Variants in HDAC5 observed in about 807,000 individuals in gnomAD.
HDAC5 encodes antigen NY-CO-9.
In HDAC5, 25 loss-of-function variants were observed where a neutral mutation model predicts 133.3. That is an observed-to-expected ratio of 0.19 (90% CI 0.14 to 0.26). The LOEUF (loss-of-function observed/expected upper bound fraction) is 0.26. HDAC5 is among the 10% of genes least tolerant of loss of function. The pLI, the probability that HDAC5 is intolerant of heterozygous loss-of-function variation, is 1.00. For synonymous variants in HDAC5, 589 were observed against 610.8 expected, an observed-to-expected ratio of 0.96 and a Z score of 0.53; for missense variants, 1,041 against 1,460.5, an observed-to-expected ratio of 0.71 and a Z score of 4.68.
rs228757 is a variant in HDAC5 at position 44,087,517 on chromosome 17, G to C, written c.1779C>G (p.Asp593Glu). 0.75 allele frequency: 1,202,255 copies of C among 1,610,846 alleles called. 451,156 individuals are homozygous for C. Among genetic ancestry groups the C allele is most frequent in the South Asian group, 0.86 (78,444 of 91,022 alleles). Residue 593 changes from aspartate to glutamate, a missense_variant, in exon 13 of 27, where the codon GAC (aspartate) becomes GAG (glutamate). Physicochemically the swap from Asp to Glu is conservative, Grantham distance 45. Around this residue, in one of 9 missense-constraint regions of HDAC5, gnomAD observed 433 missense variants for 531.6 expected, o/e 0.81. Transcript: ENST00000682912. ...TGCAATCCTCCTCCTCCTCCCCATC[G>C]TCTTCCTCGTCCTCCTCCTCCAGGT... Reference protein sequence around the residue: ...QEDLEEEDEEDDGEEEEDCIQ... With the variant: ...QEDLEEEDEEEDGEEEEDCIQ...
Position 44,117,667 on chromosome 17 carries a change from C to T in HDAC5, c.-152G>A. The T allele has an allele frequency of 1.2e-6, 1 of 800,218 alleles. No homozygotes were observed. Among genetic ancestry groups the T allele is most frequent in the Non-Finnish European group, 2.1e-6 (1 of 476,692 alleles). 49.6% of individuals were successfully genotyped at this position (800,218 alleles called of 1,614,324 possible). ...CCTCTAATGCCCATCCGAGGCCATC[C>T]TTCGGGGCGAGGCAGTCAGGCACTC... On this transcript the variant is annotated 5_prime_UTR_variant, in exon 2 of 27. Coordinates refer to ENST00000682912, the MANE Select transcript of HDAC5 (RefSeq NM_005474.5). This position sits in a 1 kb window ranked among gnomAD's most constrained non-coding sequence, Gnocchi z 4.2.
rs1314342775 is a variant in HDAC5, at chr17:44,117,635, C to T, written c.-120G>A. The T allele has an allele frequency of 1.0e-5, 12 of 1,188,798 alleles. No individual in the cohort carries two copies. The South Asian group carries it at 1.2e-4, about 12-fold the overall frequency. 73.6% of individuals were successfully genotyped at this position (1,188,798 alleles called of 1,614,324 possible). A position where few individuals can be genotyped will look rare whatever the true frequency, so the allele number is the denominator to read the frequency against. On this transcript the variant is annotated 5_prime_UTR_variant, in exon 2 of 27. Coordinates refer to ENST00000682912, the MANE Select transcript of HDAC5 (RefSeq NM_005474.5). This position sits in a 1 kb window ranked among gnomAD's most constrained non-coding sequence, Gnocchi z 4.2. ...GACGGACGGGACGGGAGCCCGGGGC[C>T]GCCGTGCCTCTAATGCCCATCCGAG...
chr17:44,118,138 T>C (rs553720660), intron 1 of HDAC5, among the ~76,000 whole-genome samples: 13 of 152,318 alleles, frequency 8.5e-5, no homozygotes, highest in African/African-American at 2.9e-4. Context: ...CCAGCCTCCA[T>C]AGCCTAAGCT....
chr17:44,122,365 C>G (rs572670617), intron 1 of HDAC5, among the ~76,000 whole-genome samples: 3 of 152,200 alleles, frequency 2.0e-5, no homozygotes, highest in Admixed American at 1.3e-4. Context: ...CACCCTCCCC[C>G]CCACCTCCTT....
At chr17:44,092,142 C>G (rs751125837) in intron 9 of HDAC5, 30 bp downstream of exon 9, 7 of 1,589,270 alleles carry the variant, frequency 4.4e-6, no homozygotes, top group African/African-American at 4.0e-5. Context: ...ACTCTGTCCC[C>G]GCCCCACCAG....
At chr17:44,079,599 C>A (rs1258637308) in intron 23 of HDAC5, among the ~76,000 whole-genome samples, 3 of 123,234 alleles carry the variant, frequency 2.4e-5, no homozygotes, top group Non-Finnish European at 4.7e-5. Context: ...GAGATCACGC[C>A]ATTGCACTCC....
Position 44,078,219 on chromosome 17 carries a change from C to T in HDAC5, c.*157G>A. On this transcript the variant is annotated 3_prime_UTR_variant, in exon 27 of 27. Coordinates refer to ENST00000682912, the MANE Select transcript of HDAC5 (RefSeq NM_005474.5). ...CAGGCTTCTAGAGCTGAGGTGGAAGCCACAGGGCTGGGGGCCTGAGGCAGC... is the reference window on the plus strand; with the variant it reads ...CAGGCTTCTAGAGCTGAGGTGGAAGTCACAGGGCTGGGGGCCTGAGGCAGC... 1.4e-6 allele frequency: 1 copy of T among 689,900 alleles called. No homozygotes were observed. The highest frequency in any genetic ancestry group is 2.3e-6 in the Non-Finnish European group (1 of 442,826). The allele number at this position is 689,900 out of a possible 1,614,324, so 42.7% of individuals were successfully genotyped here.
chr17:44,091,240 C>A lies in HDAC5; in HGVS notation c.1387+30G>T, dbSNP rs1167362449. The A allele has an allele frequency of 2.6e-6, 4 of 1,554,992 alleles. No individual in the cohort carries two copies. The South Asian group carries it at 4.6e-5, about 18-fold the overall frequency. On this transcript the variant is annotated intron_variant, in intron 11 of 26. Coordinates refer to ENST00000682912, the MANE Select transcript of HDAC5 (RefSeq NM_005474.5). ...TGACAGTTGGTCCTGACCTTAGCCC[C>A]CTCCCTTGCACAGCTACCTGTCCAC...
Position 44,084,556 on chromosome 17 carries a change from G to C in HDAC5, c.2304C>G (p.Leu768=), listed in dbSNP as rs370405048. Residue 768 remains leucine, a splice_region_variant and synonymous_variant, in exon 16 of 27, where the codon CTC becomes CTG. Coordinates refer to ENST00000682912, the MANE Select transcript of HDAC5 (RefSeq NM_005474.5). ...NRQKLDSKKL[L]GPISQKMYAV... ...CCGCCCACCCATGTGCCAGCTCACC[G>C]AGCAACTTCTTGCTGTCTAGCTTCT... 2 of 1,613,272 alleles carry C rather than the reference G, an allele frequency of 1.2e-6. No homozygotes were observed. Among genetic ancestry groups the C allele is most frequent in the African/African-American group, 1.3e-5 (1 of 74,986 alleles).
Position 44,099,853 on chromosome 17 carries a change from C to T in HDAC5, c.95-6019G>A, listed in dbSNP as rs547809117. On this transcript the variant is annotated intron_variant, in intron 3 of 26. Transcript: ENST00000682912. ...CTCAGGAGCTGCCCTGCCCAGCTCACGAGCACAAGTGGCCATGGGCAGTGC... is the reference window on the plus strand; with the variant it reads ...CTCAGGAGCTGCCCTGCCCAGCTCATGAGCACAAGTGGCCATGGGCAGTGC... 1.3e-3 allele frequency among the ~76,000 whole-genome samples: 205 copies of T among 152,268 alleles called. 1 individual carries two copies. The highest frequency in any genetic ancestry group is 4.7e-3 in the African/African-American group (196 of 41,566).
intron 20 of HDAC5, 70 bp downstream of exon 20, chr17:44,082,515 G>A: frequency 8.1e-7 from 1 of 1,241,552 alleles, no homozygotes; most frequent in Non-Finnish European, 1.2e-6. Flanking sequence ...TGGGGGAGGA[G>A]ACTTCCTGAA....
At chr17:44,079,524 C>G (rs940074156) in intron 23 of HDAC5, among the ~76,000 whole-genome samples, 8 of 150,842 alleles carry the variant, frequency 5.3e-5, no homozygotes, top group African/African-American at 1.9e-4. Context: ...CCTGTAATCC[C>G]AGCTACTTGG....
Position 44,082,697 on chromosome 17 carries a change from A to T in HDAC5, c.2520-25T>A, listed in dbSNP as rs754129277. ...CCTGAGGAGGGGAGAAAAGGGCAGG[A>T]GGTCAGCCTCAGCATGACGTTTGCA... On this transcript the variant is annotated intron_variant, in intron 19 of 26. Transcript: ENST00000682912. 1.1e-5 allele frequency: 18 copies of T among 1,612,632 alleles called. No individual in the cohort carries two copies. In the Admixed American group the frequency reaches 1.2e-4, roughly 10 times the overall value.
At position 44,093,549 on chromosome 17, in the gene HDAC5, C is replaced by T. The variant is rs1051106851; in HGVS notation, c.354+26G>A. 7.5e-6 allele frequency: 12 copies of T among 1,597,172 alleles called. No individual in the cohort carries two copies. In the Admixed American group the frequency reaches 8.4e-5, roughly 11 times the overall value. On this transcript the variant is annotated intron_variant, in intron 4 of 26. Transcript: ENST00000682912. ...CCCGGGCGGGGATCGGAGGTCTGGGCGGCCCCCCGCACCCCCCTCGCTCAC... is the reference window on the plus strand; with the variant it reads ...CCCGGGCGGGGATCGGAGGTCTGGGTGGCCCCCCGCACCCCCCTCGCTCAC...
At chr17:44,079,379 C>T (rs1400227607) in intron 23 of HDAC5, 102 bp from the exon 24 acceptor site, 15 of 1,200,212 alleles carry the variant, frequency 1.2e-5, no homozygotes, top group East Asian at 2.5e-5. Context: ...CGGTGGCTCA[C>T]GCCTGTAATC....
chr17:44,121,777 T>C (rs1483914119), intron 1 of HDAC5, among the ~76,000 whole-genome samples: 2 of 152,034 alleles, frequency 1.3e-5, no homozygotes, highest in Non-Finnish European at 2.9e-5. Context: ...CCAAATTACA[T>C]GATCCAGCCA....
intron 2 of HDAC5, among the ~76,000 whole-genome samples, chr17:44,112,524 C>CA (rs2052406842): frequency 6.6e-6 from 1 of 152,142 alleles, no homozygotes; most frequent in South Asian, 2.1e-4. Flanking sequence ...CCTTGACCCC[C>CA]ACTCCAGGCA....
At chr17:44,079,300 G>A (rs1220999200) in intron 23 of HDAC5, 23 bp from the exon 24 acceptor site, 8 of 1,608,880 alleles carry the variant, frequency 5.0e-6, no homozygotes, top group Admixed American at 1.7e-5. Context: ...GTGAAGGGAG[G>A]AAGAAGAAAT....
chr17:44,087,824 G>A (rs1260767269), intron 12 of HDAC5, 128 bp from the exon 13 acceptor site: 4 of 1,202,186 alleles, frequency 3.3e-6, no homozygotes, highest in Middle Eastern at 2.9e-4. Flanking sequence ...ATTAGAAAAA[G>A]GTGAGGTAGC....
Sources: allele counts gnomAD v4.1 joint callset (sites outside exome capture counted in the v4.1 genomes callset), GRCh38; gene constraint gnomAD v4.1.1; regional missense constraint gnomAD v4.1.1; non-coding constraint Gnocchi (gnomAD v3.1); transcripts MANE v1.5; gene names NCBI Gene and HGNC (gene_info 2026-07-23, HGNC 2026-07-21).